PRR12: variants seen among roughly 807,000 people sequenced by gnomAD.
PRR12 encodes the protein proline-rich protein 12.
A neutral mutation model predicts 138.0 loss-of-function variants in PRR12; 12 were observed. The ratio of observed to expected loss-of-function variants is 0.09; its 90% confidence interval spans 0.06 to 0.14. The LOEUF (loss-of-function observed/expected upper bound fraction) is 0.14, where lower values mean the gene tolerates loss of function less well. Ranked by LOEUF, PRR12 falls within the 10% of genes least tolerant of loss-of-function variation. The pLI is 1.00. For synonymous variants in PRR12, 1,567 were observed against 1,291.7 expected, an observed-to-expected ratio of 1.21 and a Z score of -4.57; for missense variants, 2,692 against 2,861.3, an observed-to-expected ratio of 0.94 and a Z score of 1.35.
chr19:49,607,904 A>G (rs2080846934), intron 6 of PRR12, among the ~76,000 whole-genome samples: 1 of 151,976 alleles, frequency 6.6e-6, no homozygotes, highest in South Asian at 2.1e-4. Context: ...CTGTAATCCC[A>G]GCTACTCAGG....
intron 4 of PRR12, 62 bp downstream of exon 4, chr19:49,598,075 C>CTT (rs575895022): frequency 3.3e-4 from 373 of 1,139,234 alleles, no homozygotes; most frequent in Middle Eastern, 6.5e-4. Context: ...ATGTTTGAGT[C>CTT]TTTTTTTTTT....
At chr19:49,620,882 G>C (rs138028387) in intron 10 of PRR12, among the ~76,000 whole-genome samples, 2 of 144,590 alleles carry the variant, frequency 1.4e-5, no homozygotes, top group Non-Finnish European at 3.0e-5. Context: ...GGGAGGAGAG[G>C]CTGGACCTGG....
At position 49,597,898 on chromosome 19, in the gene PRR12, C is replaced by T; in HGVS notation, c.3563C>T (p.Ala1188Val). Reference sequence around the variant, plus strand: ...GAGGTCCCGACCACTGCGGGGCCCGCCTCGGCCTCCACGCCCACCGATGGC... The same window carrying T: ...GAGGTCCCGACCACTGCGGGGCCCGTCTCGGCCTCCACGCCCACCGATGGC... ...PLEVPTTAGP[A>V]SASTPTDGAK... The change falls in exon 4 of 14, where the codon GCC becomes GTC. Residue 1188 changes from alanine to valine, a missense_variant. Physicochemically the swap from Ala to Val is moderately conservative, Grantham distance 64. Coordinates refer to ENST00000418929, the MANE Select transcript of PRR12 (RefSeq NM_020719.3). The surrounding 1 kb of genome is among the most constrained non-coding windows in gnomAD (Gnocchi z 6.3). 1 of 1,418,188 alleles carries T rather than the reference C, an allele frequency of 7.1e-7. No homozygotes were observed. Among genetic ancestry groups the T allele is most frequent in the South Asian group, 1.6e-5 (1 of 63,546 alleles). The allele number at this position is 1,418,188 out of a possible 1,614,324, so 87.9% of individuals were successfully genotyped here. A position where few individuals can be genotyped will look rare whatever the true frequency, so the allele number is the denominator to read the frequency against.
rs1279104056 is a variant in PRR12 at position 49,591,620 on chromosome 19, C to G, written c.-35C>G. On this transcript the variant is annotated 5_prime_UTR_variant, in exon 1 of 14. Transcript: ENST00000418929. ...GCGCGCCCCCTCCCTCCCTCCCTCCCTCCCCCTCCCCCCAATTTCCACCGC... is the reference window on the plus strand; with the variant it reads ...GCGCGCCCCCTCCCTCCCTCCCTCCGTCCCCCTCCCCCCAATTTCCACCGC... 3.1e-6 allele frequency: 2 copies of G among 655,038 alleles called. No homozygotes were observed. Among genetic ancestry groups the G allele is most frequent in the Non-Finnish European group, 4.9e-6 (2 of 409,244 alleles). The allele number at this position is 655,038 out of a possible 1,614,324, so 40.6% of individuals were successfully genotyped here.
At chr19:49,592,818 G>T (rs2080737892) in intron 1 of PRR12, among the ~76,000 whole-genome samples, 1 of 152,014 alleles carries the variant, frequency 6.6e-6, no homozygotes, top group Non-Finnish European at 1.5e-5. Context: ...CCAAACCGTT[G>T]CCGCTTGGGA....
In PRR12 at chr19:49,595,167, C is replaced by G. The variant is rs1311658498; in HGVS notation, c.832C>G (p.Pro278Ala). 1 of 1,609,646 alleles carries G rather than the reference C, an allele frequency of 6.2e-7. No homozygotes were observed. Among genetic ancestry groups the G allele is most frequent in the Non-Finnish European group, 8.5e-7 (1 of 1,179,098 alleles). ...FSGAAPGPPPPERALPRQDTV... is the reference protein window; with the variant it reads ...FSGAAPGPPPAERALPRQDTV... Reference sequence around the variant, plus strand: ...GGGTGCTGCCCCGGGCCCACCGCCGCCTGAGCGGGCCCTGCCACGCCAGGA... The same window carrying G: ...GGGTGCTGCCCCGGGCCCACCGCCGGCTGAGCGGGCCCTGCCACGCCAGGA... Residue 278 changes from proline (P) to alanine (A), a missense_variant, in exon 4 of 14, where the codon CCT becomes GCT. Physicochemically the swap from Pro to Ala is conservative, Grantham distance 27. Around this residue, in one of 11 missense-constraint regions of PRR12, gnomAD observed 523 missense variants for 496.4 expected, o/e 1.05. Coordinates refer to ENST00000418929, the MANE Select transcript of PRR12 (RefSeq NM_020719.3).
chr19:49,614,112 A>G lies in PRR12; in HGVS notation c.4774-421A>G, dbSNP rs1469917416. Among the ~76,000 whole-genome samples, 1 of 152,168 alleles carries G rather than the reference A, an allele frequency of 6.6e-6. No homozygotes were observed. The highest frequency in any genetic ancestry group is 1.5e-5 in the Non-Finnish European group (1 of 68,002). On this transcript the variant is annotated intron_variant, in intron 6 of 13. Transcript: ENST00000418929. This position sits in a 1 kb window ranked among gnomAD's most constrained non-coding sequence, Gnocchi z 5.0. Reference sequence around the variant, plus strand: ...CAACAAGAGCAAAACTCCGTCTCAAAAAAAGAAAAAGTAAAAAGAGAATTA... The same window carrying G: ...CAACAAGAGCAAAACTCCGTCTCAAGAAAAGAAAAAGTAAAAAGAGAATTA...
At chr19:49,593,530 T>G in intron 2 of PRR12, 91 bp downstream of exon 2, 1 of 632,128 alleles carries the variant, frequency 1.6e-6, no homozygotes. Context: ...CCCTCCTAAT[T>G]GGCCGTGGCC....
chr19:49,622,112 T>C (rs1427214361), intron 11 of PRR12, among the ~76,000 whole-genome samples: 1 of 152,182 alleles, frequency 6.6e-6, no homozygotes, highest in South Asian at 2.1e-4. Context: ...AATTCCGGGA[T>C]AGAATGTTAG....
At chr19:49,602,918 G>A (rs1169349273) in intron 6 of PRR12, among the ~76,000 whole-genome samples, 1 of 152,242 alleles carries the variant, frequency 6.6e-6, no homozygotes, top group Non-Finnish European at 1.5e-5. Flanking sequence ...CCTGTTCACT[G>A]CTTCCAGTTT....
In PRR12 at chr19:49,595,531, C is replaced by A; in HGVS notation, c.1196C>A (p.Ala399Asp). 6.3e-7 allele frequency: 1 copy of A among 1,575,376 alleles called. No homozygotes were observed. The highest frequency in any genetic ancestry group is 8.6e-7 in the Non-Finnish European group (1 of 1,161,424). Residue 399 changes from alanine to aspartate, a missense_variant, in exon 4 of 14, where the codon GCT becomes GAT. Transcript: ENST00000418929. ...ACGGGCAAAGGTGGTTATGGAGCAG[C>A]TGCCGGGGGTGCCACCAGGCCCCCC... The part of the protein sequence containing the change: ...YKTGKGGYGA[A>D]AGGATRPPPP...
At position 49,616,035 on chromosome 19, in the gene PRR12, C is replaced by T. The variant is rs775916389; in HGVS notation, c.5313C>T (p.Leu1771=). 9 of 1,556,088 alleles carry T rather than the reference C, an allele frequency of 5.8e-6. No individual in the cohort carries two copies. The highest frequency in any genetic ancestry group is 2.4e-5 in the South Asian group (2 of 84,344). The change falls in exon 9 of 14, where the codon CTC becomes CTT. Residue 1771 remains leucine (L), a synonymous_variant. Coordinates refer to ENST00000418929, the MANE Select transcript of PRR12 (RefSeq NM_020719.3). The surrounding 1 kb of genome is among the most constrained non-coding windows in gnomAD (Gnocchi z 4.2). Reference sequence around the variant, plus strand: ...GGCAGACACGGCCAGAGCGGAGTCTCGCCACGGGACAACCTGCCACATCCC... The same window carrying T: ...GGCAGACACGGCCAGAGCGGAGTCTTGCCACGGGACAACCTGCCACATCCC... ...SGRQTRPERS[L]ATGQPATSRL...
Position 49,595,076 on chromosome 19 carries a change from G to T in PRR12, c.741G>T (p.Leu247=). The change falls in exon 4 of 14, where the codon CTG becomes CTT. Residue 247 remains leucine (L), a synonymous_variant. Coordinates refer to ENST00000418929, the MANE Select transcript of PRR12 (RefSeq NM_020719.3). Reference sequence around the variant, plus strand: ...GCCACCTCCCAACTCAGTTCAACCTGCTGGCTTCCTCTTCCGCTGCCGCCG... The same window carrying T: ...GCCACCTCCCAACTCAGTTCAACCTTCTGGCTTCCTCTTCCGCTGCCGCCG... The part of the protein sequence containing the change: ...PPRHLPTQFN[L]LASSSAAAAA... 6.2e-7 allele frequency: 1 copy of T among 1,610,804 alleles called. No individual in the cohort carries two copies. The highest frequency in any genetic ancestry group is 1.3e-5 in the African/African-American group (1 of 74,516).
chr19:49,617,772 G>C (rs76511181), intron 9 of PRR12, among the ~76,000 whole-genome samples: 6,961 of 152,204 alleles, frequency 0.046, 205 homozygotes, highest in South Asian at 0.11. Flanking sequence ...AGGCGGAATT[G>C]TCTTTCCATC....
rs1315735972 is a variant in PRR12, at chr19:49,622,944, GAGAGAGAGAGAGAA to G, written c.5721+1336_5721+1349del. ...ATATATATATAGAGAGAGAGAGAGA[GAGAGAGAGAGAGAA>G]AGAGAGAGAGAGAGAGATATTAATA... On this transcript the variant is annotated intron_variant, in intron 11 of 13. Coordinates refer to ENST00000418929, the MANE Select transcript of PRR12 (RefSeq NM_020719.3). Among the ~76,000 whole-genome samples, 1,227 of 122,846 alleles carry G rather than the reference GAGAGAGAGAGAGAA, an allele frequency of 1.0e-2. 11 individuals are homozygous for G. Among genetic ancestry groups the G allele is most frequent in the African/African-American group, 0.027 (712 of 26,800 alleles). The allele number at this position is 122,846 out of a possible 152,430, so 80.6% of individuals were successfully genotyped here.
At chr19:49,610,429 ATGAGGTCAGTGGC>A (rs1166575719) in intron 6 of PRR12, among the ~76,000 whole-genome samples, 2 of 152,098 alleles carry the variant, frequency 1.3e-5, no homozygotes, top group African/African-American at 4.8e-5. Context: ...TAGGGCCAAG[ATGAGGTCAGTGGC>A]TGAGTGCAGT....
rs1568423417 is a variant in PRR12 at position 49,597,361 on chromosome 19, G to A, written c.3026G>A (p.Gly1009Asp). Residue 1009 changes from glycine to aspartate, a missense_variant, in exon 4 of 14, where the codon GGC becomes GAC. By Grantham distance (94) the Gly-to-Asp change is moderately conservative. Around this residue, in one of 11 missense-constraint regions of PRR12, gnomAD observed 840 missense variants for 689.8 expected, o/e 1.22. Coordinates refer to ENST00000418929, the MANE Select transcript of PRR12 (RefSeq NM_020719.3). This position sits in a 1 kb window ranked among gnomAD's most constrained non-coding sequence, Gnocchi z 6.3. ...GCCGGGCCCGAGACACCGGGCCTGG[G>A]CCTGGACCCCAACAAACCGCCTGAA... Reference protein sequence around the residue: ...SGAGPETPGLGLDPNKPPELP... With the variant: ...SGAGPETPGLDLDPNKPPELP... The A allele has an allele frequency of 6.5e-7, 1 of 1,538,894 alleles. No individual in the cohort carries two copies. The highest frequency in any genetic ancestry group is 2.4e-5 in the East Asian group (1 of 40,930).
intron 1 of PRR12, among the ~76,000 whole-genome samples, chr19:49,592,406 C>A (rs142562612): frequency 6.6e-6 from 1 of 152,154 alleles, no homozygotes; most frequent in African/African-American, 2.4e-5. Context: ...GGACTGGTGC[C>A]GTTGCATGGG....
chr19:49,611,694 C>T lies in PRR12; in HGVS notation c.4774-2839C>T, dbSNP rs932442570. On this transcript the variant is annotated intron_variant, in intron 6 of 13. Transcript: ENST00000418929. Reference sequence around the variant, plus strand: ...ATCCCAGCACTTTGGGAGGCAGAGGCGGGCGGATCATGAGGTCAGGAGATC... The same window carrying T: ...ATCCCAGCACTTTGGGAGGCAGAGGTGGGCGGATCATGAGGTCAGGAGATC... 3.8e-3 allele frequency among the ~76,000 whole-genome samples: 569 copies of T among 148,970 alleles called. 4 individuals are homozygous for T. The highest frequency in any genetic ancestry group is 5.5e-3 in the Non-Finnish European group (369 of 67,646).
Sources: allele counts gnomAD v4.1 joint callset (sites outside exome capture counted in the v4.1 genomes callset), GRCh38; gene constraint gnomAD v4.1.1; regional missense constraint gnomAD v4.1.1; non-coding constraint Gnocchi (gnomAD v3.1); transcripts MANE v1.5; gene names NCBI Gene and HGNC (gene_info 2026-07-23, HGNC 2026-07-21).